The following GGTA1 variants were observed in gnomAD, a reference collection of about 807,000 sequenced individuals.
GGTA1 encodes inactive N-acetyllactosaminide alpha-1,3-galactosyltransferase.
A neutral mutation model predicts 2.6 loss-of-function variants in GGTA1; 5 were observed. That is an observed-to-expected ratio of 1.92 (90% confidence interval 1.00 to 4.04). The LOEUF is 4.04. GGTA1 is among the 30% of genes most tolerant of loss of function. The pLI, the probability that GGTA1 is intolerant of heterozygous loss-of-function variation, is 0.00. For missense variants in GGTA1, 50 were observed against 16.7 expected (o/e 2.99, Z -3.47); for synonymous variants, 17 against 5.0 (o/e 3.38, Z -3.19).
At chr9:121,473,752 C>T (rs1828443886) in intron 1 of GGTA1, among the ~76,000 whole-genome samples, 1 of 151,994 alleles carries the variant, frequency 6.6e-6, no homozygotes, top group Non-Finnish European at 1.5e-5. Context: ...ATGGGGAAAC[C>T]CCCTCTCTAC....
chr9:121,460,477 CA>C lies in GGTA1; in HGVS notation c.183-259del, dbSNP rs1346918854. Among the ~76,000 whole-genome samples the C allele has an allele frequency of 3.9e-5, 6 of 152,278 alleles. 1 individual carries two copies. The highest frequency in any genetic ancestry group is 9.6e-5 in the African/African-American group (4 of 41,544). ...TGACCCAGCAACCCTCAGGTTATTT[CA>C]GGGGGGGTGAGGGAAACTTGATAAG... is the stretch of plus-strand genomic sequence containing the variant. On this transcript the variant is annotated intron_variant, in intron 4 of 5. Transcript: ENST00000481799.
chr9:121,446,778 A>T lies in GGTA1; in HGVS notation c.*938T>A, dbSNP rs145214753. The T allele has an allele frequency of 2.6e-5, 4 of 152,196 alleles. No homozygotes were observed. The South Asian group carries it at 8.3e-4, about 32-fold the overall frequency. 9.4% of individuals were successfully genotyped at this position (152,196 alleles called of 1,614,324 possible). The stretch of plus-strand genomic sequence containing the variant: ...ACAAAGCCCCAAGTTACAAGGAGGA[A>T]TGGTATGTTTTTGCCCTGTTGGTGT... On this transcript the variant is annotated 3_prime_UTR_variant and NMD_transcript_variant, in exon 8 of 8. Transcript: ENST00000481534.
chr9:121,487,515 G>A (rs1429325162), intron 1 of GGTA1, among the ~76,000 whole-genome samples: 2 of 143,096 alleles, frequency 1.4e-5, no homozygotes, highest in African/African-American at 5.2e-5. Context: ...GGCAGAGGTT[G>A]CAGTGACCCG....
intron 1 of GGTA1, among the ~76,000 whole-genome samples, chr9:121,490,039 A>G (rs1282264789): frequency 6.6e-6 from 1 of 152,236 alleles, no homozygotes; most frequent in African/African-American, 2.4e-5. Context: ...CTGAGGAGGC[A>G]AACATTTAAA....
chr9:121,463,193 C>T lies in GGTA1; in HGVS notation c.116+100G>A, dbSNP rs544967578. ...ACCCACCCACCCCTCCGACTTTGGC[C>T]GAACACCATGGCTGGCTGCCGTGTG... On this transcript the variant is annotated intron_variant, in intron 3 of 5. Coordinates refer to ENST00000481799, the MANE Select transcript of GGTA1 (RefSeq NM_001382585.1). 47 of 431,392 alleles carry T rather than the reference C, an allele frequency of 1.1e-4. No homozygotes were observed. The East Asian group carries it at 3.1e-3, about 28-fold the overall frequency. The allele number at this position is 431,392 out of a possible 1,614,324, so 26.7% of individuals were successfully genotyped here.
chr9:121,450,771 A>C (rs548039738), downstream of GGTA1, among the ~76,000 whole-genome samples: 24 of 152,278 alleles, frequency 1.6e-4, no homozygotes, highest in Non-Finnish European at 2.5e-4. Context: ...TCTGGTAAAC[A>C]TGTCAAAACT....
chr9:121,470,053 G>A (rs1432293061), intron 1 of GGTA1, among the ~76,000 whole-genome samples: 1 of 152,128 alleles, frequency 6.6e-6, no homozygotes, highest in Non-Finnish European at 1.5e-5. Flanking sequence ...GTCCCATGTG[G>A]TCCCATATGG....
chr9:121,464,855 T>G (rs138785822), intron 2 of GGTA1, among the ~76,000 whole-genome samples: 110 of 152,340 alleles, frequency 7.2e-4, no homozygotes, highest in Middle Eastern at 3.4e-3. Context: ...TACTGACAAT[T>G]CTTCTATTTA....
chr9:121,470,889 T>C (rs1332960228), intron 1 of GGTA1, among the ~76,000 whole-genome samples: 2 of 152,236 alleles, frequency 1.3e-5, no homozygotes, highest in Non-Finnish European at 2.9e-5. Flanking sequence ...ATAATAAAAC[T>C]TCAGTCTCCC....
At chr9:121,478,936 A>AC (rs5900488) in intron 1 of GGTA1, 109,094 of 407,688 alleles carry the variant, frequency 0.27, 15,647 homozygotes, top group Middle Eastern at 0.36. Flanking sequence ...CCATAACTTC[A>AC]CCCTGAGCCC....
chr9:121,459,499 ATGATACCT>A (rs1393178423), intron 5 of GGTA1, among the ~76,000 whole-genome samples: 9 of 152,198 alleles, frequency 5.9e-5, no homozygotes. Flanking sequence ...GATTACTCTG[ATGATACCT>A]CATTGCACAT....
At chr9:121,469,036 C>A (rs769909673) in intron 1 of GGTA1, among the ~76,000 whole-genome samples, 28 of 152,262 alleles carry the variant, frequency 1.8e-4, no homozygotes, top group African/African-American at 6.7e-4. Flanking sequence ...CTACCCCCAG[C>A]GTAGCCTCAT....
intron 3 of GGTA1, among the ~76,000 whole-genome samples, chr9:121,462,332 TA>T (rs56237638): frequency 6.7e-6 from 1 of 150,374 alleles, no homozygotes; most frequent in African/African-American, 2.5e-5. Flanking sequence ...CTCAGAAAAT[TA>T]AAAAAAAATA....
intron 1 of GGTA1, among the ~76,000 whole-genome samples, chr9:121,468,460 A>T (rs1828305321): frequency 6.6e-6 from 1 of 152,226 alleles, no homozygotes; most frequent in East Asian, 1.9e-4. Flanking sequence ...TGCTATAGTG[A>T]ATAGTGCTGC....
intron 1 of GGTA1, among the ~76,000 whole-genome samples, chr9:121,490,920 A>G (rs1365870775): frequency 6.6e-6 from 1 of 152,200 alleles, no homozygotes; most frequent in East Asian, 1.9e-4. Context: ...TTTTCTGAGC[A>G]CTTCCTATGT....
intron 1 of GGTA1, among the ~76,000 whole-genome samples, chr9:121,474,351 A>G (rs1177211731): frequency 6.6e-6 from 1 of 152,210 alleles, no homozygotes; most frequent in East Asian, 1.9e-4. Context: ...CTGCTTCCCA[A>G]ATGCAAGCAC....
chr9:121,453,825 A>C (rs557501935), downstream of GGTA1, among the ~76,000 whole-genome samples: 2 of 152,270 alleles, frequency 1.3e-5, no homozygotes, highest in East Asian at 3.9e-4. Flanking sequence ...AGCGAGGCTG[A>C]TAGTACAGCT....
At chr9:121,478,367 A>G (rs1828560004) in intron 1 of GGTA1, among the ~76,000 whole-genome samples, 1 of 152,092 alleles carries the variant, frequency 6.6e-6, no homozygotes, top group South Asian at 2.1e-4. Flanking sequence ...CGGTGGCCTT[A>G]GTGTGGCTTT....
At chr9:121,497,957 A>G (rs946922887) in intron 1 of GGTA1, among the ~76,000 whole-genome samples, 3 of 152,218 alleles carry the variant, frequency 2.0e-5, no homozygotes, top group Admixed American at 6.5e-5. Flanking sequence ...TTTAGGGGAC[A>G]GGTCTCCTGG....
Sources: gnomAD v4.1 joint callset for allele counts (sites outside exome capture counted in the v4.1 genomes callset) on GRCh38, gnomAD v4.1.1 for gene constraint, MANE v1.5 for transcripts, NCBI Gene and HGNC (gene_info 2026-07-23, HGNC 2026-07-21) for gene names.